Variants in TRIM46 observed in about 807,000 individuals in gnomAD.
TRIM46 encodes the protein tripartite motif containing 46, also known as tripartite motif-containing protein 46.
In TRIM46, 17 loss-of-function variants were observed where a neutral mutation model predicts 69.7. That is an observed-to-expected ratio of 0.24 (90% CI 0.17 to 0.37). The LOEUF is 0.37. TRIM46 is among the 10% of genes least tolerant of loss of function. The pLI is 1.00. For missense variants in TRIM46, 675 were observed against 1,025.1 expected (o/e 0.66, Z 4.66); for synonymous variants, 391 against 429.0 (o/e 0.91, Z 1.09).
At chr1:155,174,448 C>G (rs1424875138) in intron 1 of TRIM46, 1 of 974,528 alleles carries the variant, frequency 1.0e-6, no homozygotes, top group Non-Finnish European at 1.2e-6. Context: ...GGACCCCTCC[C>G]CAAGACCCCA....
Position 155,178,201 on chromosome 1 carries a change from T to G in TRIM46, c.1109T>G (p.Leu370Arg), listed in dbSNP as rs750097001. ...CTGGTGGGCTATGCCCAGGAAGTACTTAAGGAAACAGACCAGCCTTGCTTT... is the reference window on the plus strand; with the variant it reads ...CTGGTGGGCTATGCCCAGGAAGTACGTAAGGAAACAGACCAGCCTTGCTTT... ...SGLVGYAQEV[L>R]KETDQPCFVQ... The change falls in exon 6 of 10, where the codon CTT becomes CGT. Residue 370 changes from leucine (L) to arginine (R), a missense_variant. By Grantham distance (102) the Leu-to-Arg change is moderately radical. Coordinates refer to ENST00000334634, the MANE Select transcript of TRIM46 (RefSeq NM_025058.5). 6.2e-7 allele frequency: 1 copy of G among 1,612,926 alleles called. No homozygotes were observed. The highest frequency in any genetic ancestry group is 8.5e-7 in the Non-Finnish European group (1 of 1,179,054).
intron 7 of TRIM46, among the ~76,000 whole-genome samples, chr1:155,179,330 A>G (rs1346796491): frequency 6.6e-6 from 1 of 152,172 alleles, no homozygotes; most frequent in Non-Finnish European, 1.5e-5. Flanking sequence ...CTCATTTGAC[A>G]GGGGAGGAAA....
Position 155,178,264 on chromosome 1 carries a change from G to A in TRIM46, c.1163+9G>A, listed in dbSNP as rs377254625. 4 of 1,589,796 alleles carry A rather than the reference G, an allele frequency of 2.5e-6. No individual in the cohort carries two copies. In the African/African-American group the frequency reaches 4.0e-5, roughly 16 times the overall value. ...AAGCAGCTGCACAACAGGTACTCAG[G>A]GGCATGGGCTCCTAGGGGGGCAGGG... On this transcript the variant is annotated intron_variant, in intron 6 of 9. Coordinates refer to ENST00000334634, the MANE Select transcript of TRIM46 (RefSeq NM_025058.5).
chr1:155,178,939 C>A, intron 7 of TRIM46: 1 of 934,678 alleles, frequency 1.1e-6, no homozygotes. Context: ...CCACTCATTG[C>A]TTCCTTCTCT....
chr1:155,174,610 T>A, intron 1 of TRIM46: 1 of 1,528,230 alleles, frequency 6.5e-7, no homozygotes, highest in Non-Finnish European at 8.7e-7. Flanking sequence ...GCTGCGCCCC[T>A]GACCGGGATG....
intron 1 of TRIM46, 63 bp downstream of exon 1, chr1:155,174,092 C>G: frequency 6.6e-7 from 1 of 1,518,498 alleles, no homozygotes; most frequent in Non-Finnish European, 8.9e-7. Flanking sequence ...CAAGCTGGGA[C>G]CTGGAACAGG....
rs946225568 is a variant in TRIM46 at position 155,175,409 on chromosome 1, G to A, written c.87G>A (p.Lys29=). The A allele has an allele frequency of 6.2e-7, 1 of 1,613,938 alleles. No homozygotes were observed. Among genetic ancestry groups the A allele is most frequent in the African/African-American group, 1.3e-5 (1 of 74,924 alleles). The part of the protein sequence containing the change: ...RISTSMKNME[K]ELLCPVCQEM... Reference sequence around the variant, plus strand: ...AGACCAGCATGAAGAACATGGAGAAGGAACTGCTGTGCCCAGTGTGTCAAG... The same window carrying A: ...AGACCAGCATGAAGAACATGGAGAAAGAACTGCTGTGCCCAGTGTGTCAAG... The change falls in exon 2 of 10, where the codon AAG becomes AAA. Residue 29 remains lysine (K), a synonymous_variant. Transcript: ENST00000334634. The surrounding 1 kb of genome is among the most constrained non-coding windows in gnomAD (Gnocchi z 4.2).
At position 155,175,929 on chromosome 1, in the gene TRIM46, C is replaced by A. The variant is rs777679624; in HGVS notation, c.367C>A (p.Pro123Thr). 1.9e-6 allele frequency: 3 copies of A among 1,599,420 alleles called. No individual in the cohort carries two copies. The highest frequency in any genetic ancestry group is 2.3e-5 in the South Asian group (2 of 88,856). Reference sequence around the variant, plus strand: ...TGGGAGGAAGCGAGGTGCTTTGCACCCCCAAGTGATCATGTTCCCGTGCCC... The same window carrying A: ...TGGGAGGAAGCGAGGTGCTTTGCACACCCAAGTGATCATGTTCCCGTGCCC... ...YPGRKRGALH[P>T]QVIMFPCPAC... Residue 123 changes from proline (P) to threonine (T), a missense_variant, in exon 3 of 10, where the codon CCC (proline) becomes ACC (threonine). This residue lies in a region of TRIM46 where 170 missense variants were observed against 255.6 expected (regional missense o/e 0.67). Transcript: ENST00000334634. The surrounding 1 kb of genome is among the most constrained non-coding windows in gnomAD (Gnocchi z 4.2).
At position 155,175,720 on chromosome 1, in the gene TRIM46, C is replaced by T; in HGVS notation, c.325+73C>T. On this transcript the variant is annotated intron_variant, in intron 2 of 9. Transcript: ENST00000334634. The surrounding 1 kb of genome is among the most constrained non-coding windows in gnomAD (Gnocchi z 4.2). The stretch of plus-strand genomic sequence containing the variant: ...TCAGGAAGATGGAAGAAGTCCATCA[C>T]TGGTCAGAGGCATCTGTCTGTCTTT... 6.2e-7 allele frequency: 1 copy of T among 1,604,286 alleles called. No homozygotes were observed. Among genetic ancestry groups the T allele is most frequent in the Non-Finnish European group, 8.5e-7 (1 of 1,174,548 alleles).
At chr1:155,178,739 T>TTCCCCCCCCCCCCCCCCCCCCCCCC in intron 7 of TRIM46, 126 bp downstream of exon 7, 1 of 1,348,466 alleles carries the variant, frequency 7.4e-7, no homozygotes. Flanking sequence ...CAGCCATTCC[T>TTCCCCCCCCCCCCCCCCCCCCCCCC]CCCACCCAGC....
rs552961089 is a variant in TRIM46 at position 155,180,218 on chromosome 1, G to A, written c.1588+284G>A. 5.3e-5 allele frequency among the ~76,000 whole-genome samples: 8 copies of A among 152,324 alleles called. No individual in the cohort carries two copies. The South Asian group carries it at 1.7e-3, about 32-fold the overall frequency. On this transcript the variant is annotated intron_variant, in intron 8 of 9. Coordinates refer to ENST00000334634, the MANE Select transcript of TRIM46 (RefSeq NM_025058.5). Reference sequence around the variant, plus strand: ...GCAGCGGCTCATGCCTGTAATCCTAGCACTTTGGGAGGCCAAGGAGGGAGG... The same window carrying A: ...GCAGCGGCTCATGCCTGTAATCCTAACACTTTGGGAGGCCAAGGAGGGAGG...
At chr1:155,183,666 C>T in intron 9 of TRIM46, 131 bp from the exon 10 acceptor site, 1 of 1,263,226 alleles carries the variant, frequency 7.9e-7, no homozygotes. Context: ...TCAGCGTTTT[C>T]TTCTCAACAC....
At chr1:155,174,139 G>A (rs1665411055) in intron 1 of TRIM46, 110 bp downstream of exon 1, 2 of 1,256,142 alleles carry the variant, frequency 1.6e-6, no homozygotes, top group Non-Finnish European at 2.2e-6. Flanking sequence ...TAGACAGGGG[G>A]CTAGCGATGG....
At position 155,176,014 on chromosome 1, in the gene TRIM46, T is replaced by G. The variant is rs1218837857; in HGVS notation, c.452T>G (p.Leu151Arg). The G allele has an allele frequency of 2.5e-6, 4 of 1,614,076 alleles. No homozygotes were observed. The highest frequency in any genetic ancestry group is 3.4e-6 in the Non-Finnish European group (4 of 1,179,956). The change falls in exon 3 of 10, where the codon CTG becomes CGG. Residue 151 changes from leucine (L) to arginine (R), a missense_variant. Leu to Arg is a moderately radical substitution (Grantham distance 102). This residue lies in a region of TRIM46 where 170 missense variants were observed against 255.6 expected (regional missense o/e 0.67). Coordinates refer to ENST00000334634, the MANE Select transcript of TRIM46 (RefSeq NM_025058.5). Reference protein sequence around the residue: ...ERGLAGLFRNLTLERVVERYR... With the variant: ...ERGLAGLFRNRTLERVVERYR... ...GGTCTGGCAGGGCTTTTCCGGAACC[T>G]GACCCTGGAGCGTGTGGTGGAGCGG...
Position 155,184,278 on chromosome 1 carries a change from T to C in TRIM46, c.*88T>C. Reference sequence around the variant, plus strand: ...CACCCGGTTGTTACCCCCTGGCAGCTTCTCCCCCAAACTCTCCTACCATGT... The same window carrying C: ...CACCCGGTTGTTACCCCCTGGCAGCCTCTCCCCCAAACTCTCCTACCATGT... On this transcript the variant is annotated 3_prime_UTR_variant, in exon 10 of 10. Coordinates refer to ENST00000334634, the MANE Select transcript of TRIM46 (RefSeq NM_025058.5). The surrounding 1 kb of genome is among the most constrained non-coding windows in gnomAD (Gnocchi z 5.6). The C allele has an allele frequency of 7.2e-7, 1 of 1,379,814 alleles. No homozygotes were observed. The highest frequency in any genetic ancestry group is 9.6e-7 in the Non-Finnish European group (1 of 1,042,076). 85.5% of individuals were successfully genotyped at this position (1,379,814 alleles called of 1,614,324 possible).
chr1:155,176,706 A>G (rs370484089), intron 3 of TRIM46, among the ~76,000 whole-genome samples: 5 of 152,188 alleles, frequency 3.3e-5, no homozygotes, highest in Non-Finnish European at 7.4e-5. Flanking sequence ...TCCCAATGAG[A>G]GAGATGAAGG....
At chr1:155,183,255 G>A (rs4971100) in intron 9 of TRIM46, among the ~76,000 whole-genome samples, 60,920 of 151,620 alleles carry the variant, frequency 0.4, 13,269 homozygotes, top group East Asian at 0.75. Context: ...TGCATCCTAA[G>A]CCTTCTCCCC....
Position 155,176,976 on chromosome 1 carries a change from C to T in TRIM46, c.714C>T (p.Cys238=). 1 of 1,614,226 alleles carries T rather than the reference C, an allele frequency of 6.2e-7. No individual in the cohort carries two copies. The highest frequency in any genetic ancestry group is 8.5e-7 in the Non-Finnish European group (1 of 1,180,026). ...PDHKEEVTHY[C]KTCQRLVCQL... ...ACAAGGAAGAGGTGACCCACTACTG[C>T]AAGACATGCCAACGCCTGGTATGTC... The change falls in exon 4 of 10, where the codon TGC becomes TGT. Residue 238 remains cysteine (C), a synonymous_variant. Transcript: ENST00000334634.
At position 155,176,980 on chromosome 1, in the gene TRIM46, A is replaced by T; in HGVS notation, c.718A>T (p.Thr240Ser). ...GGAAGAGGTGACCCACTACTGCAAGACATGCCAACGCCTGGTATGTCAACT... is the reference window on the plus strand; with the variant it reads ...GGAAGAGGTGACCCACTACTGCAAGTCATGCCAACGCCTGGTATGTCAACT... Reference protein sequence around the residue: ...HKEEVTHYCKTCQRLVCQLCR... With the variant: ...HKEEVTHYCKSCQRLVCQLCR... Residue 240 changes from threonine to serine, a missense_variant, in exon 4 of 10, where the codon ACA (threonine) becomes TCA (serine). Physicochemically the swap from Thr to Ser is moderately conservative, Grantham distance 58. Around this residue, in one of 5 missense-constraint regions of TRIM46, gnomAD observed 361 missense variants for 498.3 expected, o/e 0.72. Transcript: ENST00000334634. 6.2e-7 allele frequency: 1 copy of T among 1,614,212 alleles called. No homozygotes were observed. The highest frequency in any genetic ancestry group is 8.5e-7 in the Non-Finnish European group (1 of 1,180,016).
Sources: gnomAD v4.1 joint callset for allele counts (sites outside exome capture counted in the v4.1 genomes callset) on GRCh38, gnomAD v4.1.1 for gene constraint, gnomAD v4.1.1 regional missense constraint, Gnocchi (gnomAD v3.1) non-coding constraint, MANE v1.5 for transcripts, NCBI Gene and HGNC (gene_info 2026-07-23, HGNC 2026-07-21) for gene names.